The following ZNF169 variants were observed in gnomAD, a reference collection of about 807,000 sequenced individuals.
ZNF169 encodes zinc finger protein 169.
In ZNF169, 11 loss-of-function variants were observed where a neutral mutation model predicts 12.0. That is an observed-to-expected ratio of 0.92 (90% CI 0.58 to 1.52). ZNF169 has a LOEUF of 1.52. Among genes scored for constraint, ZNF169 ranks in the 40% most tolerant of loss-of-function variants. The pLI, the probability that ZNF169 is intolerant of heterozygous loss-of-function variation, is 0.00. For synonymous variants in ZNF169, 302 were observed against 286.5 expected, an observed-to-expected ratio of 1.05 and a Z score of -0.55; for missense variants, 722 against 744.0, an observed-to-expected ratio of 0.97 and a Z score of 0.34.
rs1831072500 is a variant in ZNF169, at chr9:94,301,286, G to A, written c.1728G>A (p.Gly576=). 6.2e-7 allele frequency: 1 copy of A among 1,614,094 alleles called. No homozygotes were observed. Among genetic ancestry groups the A allele is most frequent in the African/African-American group, 1.3e-5 (1 of 74,938 alleles). The change falls in exon 5 of 5, where the codon GGG becomes GGA. Residue 576 remains glycine (G), a synonymous_variant. Transcript: ENST00000395395. ...GEKPYVCREC[G]RGFSQKSHLH... is the part of the protein sequence containing the mutation. The stretch of plus-strand genomic sequence containing the variant: ...AGCCGTATGTCTGCAGGGAGTGTGG[G>A]CGTGGCTTTAGCCAGAAGTCTCACT...
At chr9:94,267,330 G>T (rs986168933) in intron 1 of ZNF169, among the ~76,000 whole-genome samples, 1 of 152,142 alleles carries the variant, frequency 6.6e-6, no homozygotes, top group Non-Finnish European at 1.5e-5. Context: ...GTTTCTAAAG[G>T]CTTTCTTGGC....
chr9:94,286,915 T>A (rs1334198783), intron 2 of ZNF169, among the ~76,000 whole-genome samples: 1 of 151,924 alleles, frequency 6.6e-6, no homozygotes, highest in Non-Finnish European at 1.5e-5. Flanking sequence ...GTAAAAGAGG[T>A]GAGGATGAAC....
intron 1 of ZNF169, among the ~76,000 whole-genome samples, chr9:94,277,138 A>T (rs1181178703): frequency 1.3e-5 from 2 of 152,174 alleles, no homozygotes; most frequent in African/African-American, 4.8e-5. Context: ...ATTCCAGGCT[A>T]TAGGTAAATT....
At chr9:94,298,315 C>T (rs2118666403) in intron 4 of ZNF169, among the ~76,000 whole-genome samples, 1 of 152,258 alleles carries the variant, frequency 6.6e-6, no homozygotes, top group South Asian at 2.1e-4. Context: ...TTTGCTTATT[C>T]ACTACAGCAA....
intron 4 of ZNF169, 185 bp from the exon 5 acceptor site, chr9:94,299,629 AC>A (rs1419962246): frequency 7.2e-7 from 1 of 1,387,634 alleles, no homozygotes; most frequent in Non-Finnish European, 9.3e-7. Flanking sequence ...GCTTTTTTGA[AC>A]CTTTTAGTTT....
intron 1 of ZNF169, among the ~76,000 whole-genome samples, chr9:94,262,439 TTTC>T (rs935208204): frequency 1.3e-5 from 2 of 151,994 alleles, no homozygotes; most frequent in African/African-American, 4.8e-5. Context: ...AGGGTCATGA[TTTC>T]TTTTTTTCTT....
At chr9:94,272,605 G>A (rs1412845974) in intron 1 of ZNF169, among the ~76,000 whole-genome samples, 1 of 152,114 alleles carries the variant, frequency 6.6e-6, no homozygotes, top group African/African-American at 2.4e-5. Context: ...GTTGTAGTAT[G>A]AGCCAGAATT....
intron 1 of ZNF169, among the ~76,000 whole-genome samples, chr9:94,268,785 C>CAA (rs58102758): frequency 3.5e-5 from 4 of 113,318 alleles, no homozygotes; most frequent in Admixed American, 9.4e-5. Flanking sequence ...GACTCCATTT[C>CAA]AAAAAAAAAA....
In ZNF169 at chr9:94,301,000, CAG is replaced by C. The variant is rs745852316; in HGVS notation, c.1443_1444del (p.Lys484AlafsTer14). ...CTCATCAGACACCAGAGGACACACA[CAG>C]GGGAGAAGCCTTATCTGTGCCCCAA... On this transcript the variant is annotated frameshift_variant, in exon 5 of 5. Coordinates refer to ENST00000395395, the MANE Select transcript of ZNF169 (RefSeq NM_194320.4). LOFTEE classifies it low-confidence loss of function (END_TRUNC). 54 of 1,614,016 alleles carry C rather than the reference CAG, an allele frequency of 3.3e-5. No individual in the cohort carries two copies. The highest frequency in any genetic ancestry group is 1.5e-4 in the African/African-American group (11 of 74,892).
chr9:94,279,337 G>C (rs190067085), intron 2 of ZNF169, among the ~76,000 whole-genome samples: 96 of 152,150 alleles, frequency 6.3e-4, no homozygotes, highest in Non-Finnish European at 1.2e-3. Flanking sequence ...GTTGCAGTGA[G>C]CTGAGATCGC....
At chr9:94,291,103 G>A (rs1284454301) in intron 2 of ZNF169, among the ~76,000 whole-genome samples, 1 of 135,970 alleles carries the variant, frequency 7.4e-6, no homozygotes, top group South Asian at 2.3e-4. Flanking sequence ...TGCCCAGGCT[G>A]GAGTGTAGTG....
chr9:94,300,650 C>T lies in ZNF169; in HGVS notation c.1092C>T (p.His364=), dbSNP rs767456357. The T allele has an allele frequency of 3.7e-6, 6 of 1,614,094 alleles. No individual in the cohort carries two copies. Among genetic ancestry groups the T allele is most frequent in the Admixed American group, 1.7e-5 (1 of 60,008 alleles). The change falls in exon 5 of 5, where the codon CAC becomes CAT. Residue 364 remains histidine (H), a synonymous_variant. Transcript: ENST00000395395. ...GFCQKASLLQ[H]QSSHTGERPF... is the part of the protein sequence containing the mutation. ...GCCAGAAGGCATCACTCCTCCAGCA[C>T]CAGAGCTCACACACAGGGGAGAGGC...
Position 94,278,845 on chromosome 9 carries a change from G to A in ZNF169, c.33G>A (p.Glu11=), listed in dbSNP as rs1308682669. 1.2e-6 allele frequency: 2 copies of A among 1,613,756 alleles called. No individual in the cohort carries two copies. Among genetic ancestry groups the A allele is most frequent in the Non-Finnish European group, 1.7e-6 (2 of 1,179,890 alleles). MSPGLLTTRK[E]ALMAFRDVAV... is the part of the protein sequence containing the mutation. ...CAGGACTCCTGACAACCAGGAAGGA[G>A]GTAAGTCCTGAAATTTCTTCCTAGC... The change falls in exon 2 of 5, where the codon GAG becomes GAA. Residue 11 remains glutamate (E), a splice_region_variant and synonymous_variant. Transcript: ENST00000395395.
intron 1 of ZNF169, among the ~76,000 whole-genome samples, chr9:94,272,766 T>C (rs1830445798): frequency 1.3e-5 from 2 of 152,326 alleles, no homozygotes; most frequent in South Asian, 4.1e-4. Flanking sequence ...TAGTTCTATT[T>C]TTAATTTTTT....
At chr9:94,275,648 G>A (rs1399691358) in intron 1 of ZNF169, among the ~76,000 whole-genome samples, 4 of 152,052 alleles carry the variant, frequency 2.6e-5, no homozygotes, top group African/African-American at 9.7e-5. Flanking sequence ...CTCAGTCCGT[G>A]GGTTGTCTTT....
Position 94,288,189 on chromosome 9 carries a change from T to C in ZNF169, c.34-4152T>C, listed in dbSNP as rs1830754401. 3.7e-6 allele frequency: 3 copies of C among 807,634 alleles called. No individual in the cohort carries two copies. The Admixed American group carries it at 5.2e-5, about 14-fold the overall frequency. 50.0% of individuals were successfully genotyped at this position (807,634 alleles called of 1,614,324 possible). A position where few individuals can be genotyped will look rare whatever the true frequency, so the allele number is the denominator to read the frequency against. ...CATGTCTCAGCCCAGGTTAATGTGC[T>C]CCTACTTGTACCCTGTCTTGATTTT... On this transcript the variant is annotated intron_variant, in intron 2 of 4. Coordinates refer to ENST00000395395, the MANE Select transcript of ZNF169 (RefSeq NM_194320.4).
At chr9:94,267,881 T>TTTC (rs1185949319) in intron 1 of ZNF169, among the ~76,000 whole-genome samples, 6 of 150,786 alleles carry the variant, frequency 4.0e-5, no homozygotes, top group African/African-American at 1.5e-4. Flanking sequence ...TTTTTTTTTT[T>TTTC]TGAGACAGAG....
In ZNF169 at chr9:94,292,636, T is replaced by TGC. The variant is rs1554715602; in HGVS notation, c.160+170_160+171insCG. The TGC allele has an allele frequency of 8.5e-6, 7 of 825,794 alleles. No individual in the cohort carries two copies. The African/African-American group carries it at 1.2e-4, about 14-fold the overall frequency. 51.2% of individuals were successfully genotyped at this position (825,794 alleles called of 1,614,324 possible). On this transcript the variant is annotated intron_variant, in intron 3 of 4. Transcript: ENST00000395395. Reference sequence around the variant, plus strand: ...GTGTGTGTGTGTGTGTGTGTGTGTGTGTGTGCGCGTGCACATGCTGTGAGC... The same window carrying TGC: ...GTGTGTGTGTGTGTGTGTGTGTGTGTGCGTGTGCGCGTGCACATGCTGTGAGC...
At chr9:94,267,256 C>T (rs149301995) in intron 1 of ZNF169, among the ~76,000 whole-genome samples, 120 of 152,262 alleles carry the variant, frequency 7.9e-4, no homozygotes, top group Non-Finnish European at 1.4e-3. Flanking sequence ...CAGAAAGTGA[C>T]ATTCTTTACT....
Sources: allele counts gnomAD v4.1 joint callset (sites outside exome capture counted in the v4.1 genomes callset), GRCh38; gene constraint gnomAD v4.1.1; transcripts MANE v1.5; gene names NCBI Gene and HGNC (gene_info 2026-07-23, HGNC 2026-07-21).